The following MTMR3 variants were observed in gnomAD, a reference collection of about 807,000 sequenced individuals.
MTMR3 encodes phosphatidylinositol-3,5-bisphosphate 3-phosphatase MTMR3.
In MTMR3, 32 loss-of-function variants were observed where a neutral mutation model predicts 132.4. The ratio of observed to expected loss-of-function variants is 0.24; its 90% CI spans 0.18 to 0.32. The LOEUF is 0.32. Among genes scored for constraint, MTMR3 ranks in the 10% least tolerant of loss-of-function variants. The probability of loss-of-function intolerance (pLI) is 1.00; values close to 1 mark genes in which losing one functional copy is unlikely to be tolerated. For missense variants in MTMR3, 1,216 were observed against 1,489.6 expected (o/e 0.82, Z 3.02); for synonymous variants, 556 against 550.3 (o/e 1.01, Z -0.14).
At chr22:29,927,746 C>CA (rs140704328) in intron 1 of MTMR3, among the ~76,000 whole-genome samples, 11,794 of 151,906 alleles carry the variant, frequency 0.078, 518 homozygotes, top group African/African-American at 0.092. Flanking sequence ...GATGGAGACT[C>CA]TTTAAGGGAG....
At chr22:29,888,865 C>G (rs2064734443) in intron 1 of MTMR3, among the ~76,000 whole-genome samples, 1 of 150,214 alleles carries the variant, frequency 6.7e-6, no homozygotes, top group Non-Finnish European at 1.5e-5. Flanking sequence ...CCTCCGCCTC[C>G]TGGGTTCAAG....
At chr22:30,022,788 C>CA in intron 19 of MTMR3, 91 bp downstream of exon 19, 1 of 1,171,940 alleles carries the variant, frequency 8.5e-7, no homozygotes, top group East Asian at 2.6e-5. Flanking sequence ...GTGGGTATCT[C>CA]AGTGTTCTGT....
chr22:29,993,113 C>T lies in MTMR3; in HGVS notation c.460+1443C>T, dbSNP rs111244015. 5.0e-3 allele frequency: 766 copies of T among 152,302 alleles called. 4 individuals are homozygous for T. The highest frequency in any genetic ancestry group is 8.1e-3 in the Non-Finnish European group (552 of 68,044). 9.4% of individuals were successfully genotyped at this position (152,302 alleles called of 1,614,324 possible). On this transcript the variant is annotated intron_variant, in intron 7 of 19. Transcript: ENST00000401950. The stretch of plus-strand genomic sequence containing the variant: ...ACAAAAGCACCTGCCCTCTTGGAGC[C>T]TCAGGGAAAGCCTCAGAATCCCAGC...
intron 1 of MTMR3, among the ~76,000 whole-genome samples, chr22:29,949,736 A>G (rs1424801065): frequency 6.6e-6 from 1 of 152,114 alleles, no homozygotes; most frequent in Non-Finnish European, 1.5e-5. Flanking sequence ...AGAAAATGAA[A>G]TTAAGATTTT....
At chr22:29,963,443 G>A (rs1447839718) in intron 2 of MTMR3, among the ~76,000 whole-genome samples, 1 of 150,624 alleles carries the variant, frequency 6.6e-6, no homozygotes. Context: ...AGGCTGGAGG[G>A]CAATGGTGCG....
At chr22:29,912,321 G>A (rs1048945509) in intron 1 of MTMR3, among the ~76,000 whole-genome samples, 31 of 152,026 alleles carry the variant, frequency 2.0e-4, no homozygotes, top group Admixed American at 1.5e-3. Context: ...ACAAAGTCTC[G>A]CTTTGTCACC....
rs2067968740 is a variant in MTMR3, at chr22:30,029,169, C to T, written c.*3368C>T. ...GTTCTCTGTGGGCAAGGCCAGCTTGCTTCAGGCTGTAGAGGGAATTTGGTC... is the reference window on the plus strand; with the variant it reads ...GTTCTCTGTGGGCAAGGCCAGCTTGTTTCAGGCTGTAGAGGGAATTTGGTC... On this transcript the variant is annotated 3_prime_UTR_variant, in exon 20 of 20. Coordinates refer to ENST00000401950, the MANE Select transcript of MTMR3 (RefSeq NM_021090.4). The T allele has an allele frequency of 6.6e-6, 1 of 152,316 alleles. No homozygotes were observed. The highest frequency in any genetic ancestry group is 2.4e-5 in the African/African-American group (1 of 41,424). The allele number at this position is 152,316 out of a possible 1,614,324, so 9.4% of individuals were successfully genotyped here. A position where few individuals can be genotyped will look rare whatever the true frequency, so the allele number is the denominator to read the frequency against.
chr22:29,910,056 C>T (rs928049922), intron 1 of MTMR3, among the ~76,000 whole-genome samples: 5 of 151,736 alleles, frequency 3.3e-5, no homozygotes, highest in African/African-American at 7.3e-5. Context: ...ACTCGCTACT[C>T]GGGAGGCTGA....
At chr22:29,922,237 T>A (rs1461417666) in intron 1 of MTMR3, among the ~76,000 whole-genome samples, 1 of 152,144 alleles carries the variant, frequency 6.6e-6, no homozygotes, top group African/African-American at 2.4e-5. Context: ...CAGGCTGGTC[T>A]CAAACTCCTG....
chr22:30,025,522 C>A, intron 19 of MTMR3, 108 bp from the exon 20 acceptor site: 1 of 1,177,216 alleles, frequency 8.5e-7, no homozygotes, highest in Non-Finnish European at 1.2e-6. Flanking sequence ...TCTCAAGGAG[C>A]TCCAGCACAT....
chr22:30,019,945 A>T lies in MTMR3; in HGVS notation c.2286A>T (p.Ser762=). The change falls in exon 17 of 20, where the codon TCA becomes TCT. Residue 762 remains serine (S), a synonymous_variant. Coordinates refer to ENST00000401950, the MANE Select transcript of MTMR3 (RefSeq NM_021090.4). ...TGGATATGAGCTGGCCTCTGTTCTC[A>T]CAGGGCATTTCTGAACAGCAGAGTG... ...SHLDMSWPLF[S]QGISEQQSGL... is the part of the protein sequence containing the mutation. 6.2e-7 allele frequency: 1 copy of T among 1,614,170 alleles called. No individual in the cohort carries two copies. Among genetic ancestry groups the T allele is most frequent in the Non-Finnish European group, 8.5e-7 (1 of 1,180,008 alleles).
intron 5 of MTMR3, chr22:29,979,632 G>A (rs1313778662): frequency 6.5e-6 from 1 of 154,114 alleles, no homozygotes; most frequent in Non-Finnish European, 1.4e-5. Context: ...AGGTAATGCT[G>A]TATCATTAAG....
intron 1 of MTMR3, among the ~76,000 whole-genome samples, chr22:29,905,008 C>G (rs898740091): frequency 6.6e-6 from 1 of 152,132 alleles, no homozygotes; most frequent in Non-Finnish European, 1.5e-5. Flanking sequence ...TTTAAACATA[C>G]CAATTTGCTA....
At position 30,030,116 on chromosome 22, in the gene MTMR3, T is replaced by A. The variant is rs1474011115; in HGVS notation, c.*4315T>A. ...TAGGCTAGGCAGGTGTTCAGAGGCA[T>A]GAAGGTCTGGGCAGGGGAAGGGCGT... On this transcript the variant is annotated 3_prime_UTR_variant, in exon 20 of 20. Transcript: ENST00000401950. The A allele has an allele frequency of 6.6e-6, 1 of 152,282 alleles. No individual in the cohort carries two copies. The highest frequency in any genetic ancestry group is 1.5e-5 in the Non-Finnish European group (1 of 68,046). 9.4% of individuals were successfully genotyped at this position (152,282 alleles called of 1,614,324 possible).
At chr22:30,016,795 A>G in intron 15 of MTMR3, 97 bp downstream of exon 15, 2 of 1,348,088 alleles carry the variant, frequency 1.5e-6, no homozygotes, top group Non-Finnish European at 2.0e-6. Context: ...TTTTGTGAAG[A>G]CATCTCTACT....
intron 1 of MTMR3, among the ~76,000 whole-genome samples, chr22:29,902,423 T>C (rs1325711513): frequency 6.6e-6 from 1 of 151,428 alleles, no homozygotes; most frequent in Non-Finnish European, 1.5e-5. Flanking sequence ...TTTTTTTTTT[T>C]TTGAGACGGA....
intron 9 of MTMR3, chr22:30,004,111 G>A (rs2067228605): frequency 6.6e-6 from 1 of 152,190 alleles, no homozygotes; most frequent in African/African-American, 2.4e-5. Context: ...CTCTGGCCCA[G>A]TGGAACTCAT....
chr22:29,947,279 T>C (rs2065971501), intron 1 of MTMR3, among the ~76,000 whole-genome samples: 1 of 152,140 alleles, frequency 6.6e-6, no homozygotes, highest in African/African-American at 2.4e-5. Flanking sequence ...GGAAATGTAA[T>C]ATTATTCTTA....
chr22:30,019,335 T>G lies in MTMR3; in HGVS notation c.1821-145T>G, dbSNP rs985428400. 3 of 750,474 alleles carry G rather than the reference T, an allele frequency of 4.0e-6. No homozygotes were observed. The African/African-American group carries it at 5.3e-5, about 13-fold the overall frequency. The allele number at this position is 750,474 out of a possible 1,614,324, so 46.5% of individuals were successfully genotyped here. ...CCGGAGCTTTGCTGCTCCAGCAGTC[T>G]GGGCCTCGCTCCAGAGATGCTACAG... On this transcript the variant is annotated intron_variant, in intron 16 of 19. Coordinates refer to ENST00000401950, the MANE Select transcript of MTMR3 (RefSeq NM_021090.4).
Sources: gnomAD v4.1 joint callset for allele counts (sites outside exome capture counted in the v4.1 genomes callset) on GRCh38, gnomAD v4.1.1 for gene constraint, MANE v1.5 for transcripts, NCBI Gene and HGNC (gene_info 2026-07-23, HGNC 2026-07-21) for gene names.